The following TBL3 variants were observed in gnomAD, a reference collection of about 807,000 sequenced individuals.
TBL3 encodes the protein transducin beta like 3, also known as transducin beta-like protein 3.
Under a neutral mutation model 102.7 loss-of-function variants are expected in TBL3, and 71 were observed. The ratio of observed to expected loss-of-function variants is 0.69; its 90% CI spans 0.57 to 0.84. The LOEUF is 0.84. Among genes scored for constraint, TBL3 ranks in the 40% least tolerant of loss-of-function variants. The pLI, the probability that TBL3 is intolerant of heterozygous loss-of-function variation, is 0.00. For synonymous variants in TBL3, 578 were observed against 477.7 expected (o/e 1.21, Z -2.74); for missense variants, 1,188 against 1,098.5 (o/e 1.08, Z -1.15).
rs146511898 is a variant in TBL3 at position 1,979,753 on chromosome 16, C to T, written c.*1068C>T. On this transcript the variant is annotated 3_prime_UTR_variant, in exon 22 of 22. Coordinates refer to ENST00000568546, the MANE Select transcript of TBL3 (RefSeq NM_006453.3). ...GCCCAGTCTTGCCACACGGTCAAGCCGCAGTGGTGGCGTGAGGGGTGGGGT... is the reference window on the plus strand; with the variant it reads ...GCCCAGTCTTGCCACACGGTCAAGCTGCAGTGGTGGCGTGAGGGGTGGGGT... The T allele has an allele frequency of 5.2e-4, 755 of 1,440,424 alleles. 3 individuals are homozygous for T. In the African/African-American group the frequency reaches 9.2e-3, roughly 17 times the overall value. The allele number at this position is 1,440,424 out of a possible 1,614,324, so 89.2% of individuals were successfully genotyped here.
chr16:1,979,000 C>T lies in TBL3; in HGVS notation c.*315C>T, dbSNP rs961521388. 2.7e-6 allele frequency: 4 copies of T among 1,484,606 alleles called. No individual in the cohort carries two copies. Among genetic ancestry groups the T allele is most frequent in the Middle Eastern group, 2.4e-4 (1 of 4,254 alleles). The allele number at this position is 1,484,606 out of a possible 1,614,324, so 92.0% of individuals were successfully genotyped here. On this transcript the variant is annotated 3_prime_UTR_variant, in exon 22 of 22. Transcript: ENST00000568546. ...GCCAGGGAGATCCGCCCTCCCCGCTCCTCCCCAGCCCTGGGATGGCGCGGT... is the reference window on the plus strand; with the variant it reads ...GCCAGGGAGATCCGCCCTCCCCGCTTCTCCCCAGCCCTGGGATGGCGCGGT...
At chr16:1,976,643 A>G (rs550032645) in intron 13 of TBL3, among the ~76,000 whole-genome samples, 171 bp from the exon 14 acceptor site, 14 of 152,166 alleles carry the variant, frequency 9.2e-5, no homozygotes, top group East Asian at 3.9e-4. Flanking sequence ...CGGGTGGACA[A>G]TGTAGACAGG....
intron 18 of TBL3, 75 bp downstream of exon 18, chr16:1,977,875 A>G: frequency 6.3e-7 from 1 of 1,594,716 alleles, no homozygotes; most frequent in South Asian, 1.1e-5. Flanking sequence ...GCTGAGTGCC[A>G]GGCTCCCTGC....
chr16:1,974,303 C>G lies in TBL3; in HGVS notation c.189+11C>G. 6.3e-7 allele frequency: 1 copy of G among 1,584,916 alleles called. No individual in the cohort carries two copies. Among genetic ancestry groups the G allele is most frequent in the Non-Finnish European group, 8.6e-7 (1 of 1,162,926 alleles). ...CGGAGTCTGGAGCAGGTGAGGGCAG[C>G]CTGGGTGGGTGAGGGGCAAGTGGAG... On this transcript the variant is annotated intron_variant, in intron 3 of 21. Coordinates refer to ENST00000568546, the MANE Select transcript of TBL3 (RefSeq NM_006453.3).
Position 1,977,618 on chromosome 16 carries a change from T to G in TBL3, c.1847T>G (p.Leu616Arg), listed in dbSNP as rs1246638959. ...DKVWGLHCSRLDDHALTGASD... is the reference protein window; with the variant it reads ...DKVWGLHCSRRDDHALTGASD... Reference sequence around the variant, plus strand: ...GTCTGGGGGCTGCACTGCAGCCGGCTGGACGACCACGCCCTCACTGGGGCC... The same window carrying G: ...GTCTGGGGGCTGCACTGCAGCCGGCGGGACGACCACGCCCTCACTGGGGCC... The change falls in exon 17 of 22, where the codon CTG becomes CGG. Residue 616 changes from leucine to arginine, a missense_variant. Physicochemically the swap from Leu to Arg is moderately radical, Grantham distance 102. Transcript: ENST00000568546. 6.4e-7 allele frequency: 1 copy of G among 1,557,194 alleles called. No individual in the cohort carries two copies. The highest frequency in any genetic ancestry group is 1.4e-5 in the African/African-American group (1 of 73,380).
chr16:1,980,875 C>T lies in TBL3; in HGVS notation c.*2190C>T, dbSNP rs2083494283. On this transcript the variant is annotated 3_prime_UTR_variant, in exon 22 of 22. Transcript: ENST00000568546. ...TGGGAGTCACTGATGGGAGGCAGTC[C>T]AGTGGGAGGCAGCCGCGTGGGGAAG... is the stretch of plus-strand genomic sequence containing the variant. 8.6e-7 allele frequency: 1 copy of T among 1,156,952 alleles called. No homozygotes were observed. Among genetic ancestry groups the T allele is most frequent in the East Asian group, 2.5e-5 (1 of 39,384 alleles). The allele number at this position is 1,156,952 out of a possible 1,614,324, so 71.7% of individuals were successfully genotyped here.
chr16:1,978,851 C>G lies in TBL3; in HGVS notation c.*166C>G, dbSNP rs2083431316. 9.0e-7 allele frequency: 1 copy of G among 1,112,720 alleles called. No individual in the cohort carries two copies. The highest frequency in any genetic ancestry group is 1.6e-5 in the African/African-American group (1 of 63,766). 68.9% of individuals were successfully genotyped at this position (1,112,720 alleles called of 1,614,324 possible). ...GGAGCTGATGGTCTCGGCCCTGCCACGCCCATCCCGCACCCTGGCCTGGCA... is the reference window on the plus strand; with the variant it reads ...GGAGCTGATGGTCTCGGCCCTGCCAGGCCCATCCCGCACCCTGGCCTGGCA... On this transcript the variant is annotated 3_prime_UTR_variant, in exon 22 of 22. Coordinates refer to ENST00000568546, the MANE Select transcript of TBL3 (RefSeq NM_006453.3).
chr16:1,976,701 T>C, intron 13 of TBL3, 113 bp from the exon 14 acceptor site: 1 of 1,355,698 alleles, frequency 7.4e-7, no homozygotes, highest in Non-Finnish European at 1.0e-6. Context: ...ACCCGCATCC[T>C]GGGACAGGCC....
Position 1,981,434 on chromosome 16 carries a change from A to T in TBL3, c.*2749A>T. On this transcript the variant is annotated 3_prime_UTR_variant, in exon 22 of 22. Coordinates refer to ENST00000568546, the MANE Select transcript of TBL3 (RefSeq NM_006453.3). ...GGCAGAGCTGCTGGGAGGAAGAAGA[A>T]GAATGAGCTTTCCAGCCCTGGAGGC... The T allele has an allele frequency of 1.1e-6, 1 of 891,688 alleles. No homozygotes were observed. The highest frequency in any genetic ancestry group is 1.6e-6 in the Non-Finnish European group (1 of 613,864). The allele number at this position is 891,688 out of a possible 1,614,324, so 55.2% of individuals were successfully genotyped here. A position where few individuals can be genotyped will look rare whatever the true frequency, so the allele number is the denominator to read the frequency against.
At position 1,977,550 on chromosome 16, in the gene TBL3, G is replaced by A. The variant is rs1555484955; in HGVS notation, c.1779G>A (p.Lys593=). ...GCCTCGTGAAGCTCTGGACCATCAA[G>A]AACAACGAGTGTGTGCGGACGCTGG... The part of the protein sequence containing the change: ...SDGLVKLWTI[K]NNECVRTLDA... Residue 593 remains lysine, a synonymous_variant, in exon 17 of 22, where the codon AAG becomes AAA. Transcript: ENST00000568546. The A allele has an allele frequency of 9.4e-6, 15 of 1,599,820 alleles. No individual in the cohort carries two copies. Among genetic ancestry groups the A allele is most frequent in the Non-Finnish European group, 1.3e-5 (15 of 1,172,918 alleles).
chr16:1,974,720 A>G (rs1171164478), intron 5 of TBL3, 41 bp downstream of exon 5: 3 of 1,612,016 alleles, frequency 1.9e-6, no homozygotes, highest in Admixed American at 3.3e-5. Flanking sequence ...GCACAGATGC[A>G]GGGGCTTTGG....
At position 1,972,066 on chromosome 16, in the gene TBL3, A is replaced by T; in HGVS notation, c.-99A>T. The T allele has an allele frequency of 7.7e-7, 1 of 1,295,574 alleles. No homozygotes were observed. Among genetic ancestry groups the T allele is most frequent in the Non-Finnish European group, 1.0e-6 (1 of 997,106 alleles). 80.3% of individuals were successfully genotyped at this position (1,295,574 alleles called of 1,614,324 possible). ...GGTGACGCCATCGCAGCGCGCCGGG[A>T]GTGTGGCGTTCTGTGAAGAGTTCGG... is the stretch of plus-strand genomic sequence containing the variant. On this transcript the variant is annotated 5_prime_UTR_variant, in exon 1 of 22. Transcript: ENST00000568546.
intron 1 of TBL3, 57 bp from the exon 2 acceptor site, chr16:1,973,999 G>A: frequency 6.7e-7 from 1 of 1,483,892 alleles, no homozygotes. Context: ...GCACAGGGCG[G>A]GGCCCTGGGG....
At position 1,980,604 on chromosome 16, in the gene TBL3, GC is replaced by G. The variant is rs2083485524; in HGVS notation, c.*1924del. The G allele has an allele frequency of 3.8e-6, 6 of 1,589,602 alleles. No homozygotes were observed. Among genetic ancestry groups the G allele is most frequent in the African/African-American group, 1.3e-5 (1 of 74,562 alleles). On this transcript the variant is annotated 3_prime_UTR_variant, in exon 22 of 22. Coordinates refer to ENST00000568546, the MANE Select transcript of TBL3 (RefSeq NM_006453.3). Reference sequence around the variant, plus strand: ...GCTTTGGGCTTCACTGGTCCCTGGCGCCCCCAGGCAAGCCACCGCCTTCCCC... The same window carrying G: ...GCTTTGGGCTTCACTGGTCCCTGGCGCCCCAGGCAAGCCACCGCCTTCCCC...
At chr16:1,973,473 G>A (rs1260626951) in intron 1 of TBL3, among the ~76,000 whole-genome samples, 2 of 152,158 alleles carry the variant, frequency 1.3e-5, no homozygotes, top group African/African-American at 4.8e-5. Flanking sequence ...AGGTAGGTAG[G>A]GGGTCCAGTG....
At position 1,980,407 on chromosome 16, in the gene TBL3, G is replaced by A; in HGVS notation, c.*1722G>A. On this transcript the variant is annotated 3_prime_UTR_variant, in exon 22 of 22. Coordinates refer to ENST00000568546, the MANE Select transcript of TBL3 (RefSeq NM_006453.3). ...GCGGGCTCCAGGTCCAGGGGTTGCG[G>A]TGCGAAGAAGCCAGTGATCGTCGGG... The A allele has an allele frequency of 6.2e-7, 1 of 1,602,934 alleles. No individual in the cohort carries two copies. Among genetic ancestry groups the A allele is most frequent in the Non-Finnish European group, 8.5e-7 (1 of 1,179,804 alleles).
In TBL3 at chr16:1,978,697, TCTC is replaced by T; in HGVS notation, c.*13_*15del. On this transcript the variant is annotated 3_prime_UTR_variant, in exon 22 of 22. Coordinates refer to ENST00000568546, the MANE Select transcript of TBL3 (RefSeq NM_006453.3). ...GCGCACTGCCCTAGCCGGTCCGGCC[TCTC>T]TCCAGTCCATCCTGAACCCCTGGAA... 1 of 1,603,100 alleles carries T rather than the reference TCTC, an allele frequency of 6.2e-7. No individual in the cohort carries two copies. The highest frequency in any genetic ancestry group is 8.5e-7 in the Non-Finnish European group (1 of 1,172,624).
rs779366606 is a variant in TBL3, at chr16:1,975,918, G to A, written c.1098G>A (p.Thr366=). Reference sequence around the variant, plus strand: ...GCCTAAAAGTGTTTGAGCTGCAGACGTCAGCCTGCCAGATCCTCCACGGCC... The same window carrying A: ...GCCTAAAAGTGTTTGAGCTGCAGACATCAGCCTGCCAGATCCTCCACGGCC... ...SPCLKVFELQ[T]SACQILHGHT... The change falls in exon 11 of 22, where the codon ACG becomes ACA. Residue 366 remains threonine (T), a synonymous_variant. Coordinates refer to ENST00000568546, the MANE Select transcript of TBL3 (RefSeq NM_006453.3). 5.6e-6 allele frequency: 9 copies of A among 1,614,002 alleles called. No homozygotes were observed. The highest frequency in any genetic ancestry group is 4.5e-5 in the East Asian group (2 of 44,904).
Position 1,978,476 on chromosome 16 carries a change from G to A in TBL3, c.2293+5G>A. On this transcript the variant is annotated splice_donor_5th_base_variant and intron_variant, in intron 21 of 21. Transcript: ENST00000568546. ...AGGCCCTGCTGCCCTACACTGGTAT[G>A]TGGGCACAGCCTGGGGTTGGGGGAT... The A allele has an allele frequency of 6.3e-7, 1 of 1,598,048 alleles. No individual in the cohort carries two copies. The highest frequency in any genetic ancestry group is 8.5e-7 in the Non-Finnish European group (1 of 1,170,912).
Sources: allele counts gnomAD v4.1 joint callset (sites outside exome capture counted in the v4.1 genomes callset), GRCh38; gene constraint gnomAD v4.1.1; transcripts MANE v1.5; gene names NCBI Gene and HGNC (gene_info 2026-07-23, HGNC 2026-07-21).